The following DCC variants were observed in gnomAD, a reference collection of about 807,000 sequenced individuals.
The protein encoded by DCC is DCC netrin 1 receptor.
Under a neutral mutation model 172.5 loss-of-function variants are expected in DCC, and 58 were observed. The ratio of observed to expected loss-of-function variants is 0.34; its 90% CI spans 0.27 to 0.42. DCC has a LOEUF of 0.42. DCC is among the 10% of genes least tolerant of loss of function. The probability of loss-of-function intolerance (pLI) is 1.00; values close to 1 mark genes in which losing one functional copy is unlikely to be tolerated. For missense variants in DCC, 1,740 were observed against 1,791.0 expected (o/e 0.97, Z 0.51); for synonymous variants, 709 against 644.5 (o/e 1.10, Z -1.52).
chr18:52,644,297 G>T (rs1310483421), intron 1 of DCC, among the ~76,000 whole-genome samples: 1 of 152,054 alleles, frequency 6.6e-6, no homozygotes, highest in East Asian at 1.9e-4. Flanking sequence ...AGTGTGTAGA[G>T]GCTGGGTGTG....
intron 9 of DCC, among the ~76,000 whole-genome samples, chr18:53,202,735 C>T (rs560998118): frequency 8.5e-5 from 13 of 152,164 alleles, no homozygotes; most frequent in African/African-American, 2.9e-4. Flanking sequence ...ATAAATGAGG[C>T]CAGAGAGAGA....
intron 2 of DCC, among the ~76,000 whole-genome samples, chr18:52,759,679 C>T (rs1454921090): frequency 6.6e-6 from 1 of 151,974 alleles, no homozygotes; most frequent in African/African-American, 2.4e-5. Context: ...TCTTGAAAAA[C>T]GTCAAGATAA....
chr18:53,109,795 T>C (rs372047848), intron 7 of DCC, among the ~76,000 whole-genome samples: 1 of 151,692 alleles, frequency 6.6e-6, no homozygotes, highest in East Asian at 1.9e-4. Context: ...TTGTCCTTTT[T>C]TTTCCTTCCA....
intron 14 of DCC, among the ~76,000 whole-genome samples, chr18:53,324,140 A>G (rs1204375820): frequency 6.6e-6 from 1 of 152,186 alleles, no homozygotes; most frequent in African/African-American, 2.4e-5. Flanking sequence ...AACCCAGGCA[A>G]TGACTTTAAG....
intron 9 of DCC, among the ~76,000 whole-genome samples, chr18:53,194,080 A>AC (rs2055405739): frequency 6.6e-6 from 1 of 152,152 alleles, no homozygotes; most frequent in Non-Finnish European, 1.5e-5. Flanking sequence ...TCACATTATC[A>AC]CCATGGGAAA....
chr18:53,358,522 C>G (rs2057904822), intron 15 of DCC, among the ~76,000 whole-genome samples: 1 of 129,618 alleles, frequency 7.7e-6, no homozygotes, highest in South Asian at 2.4e-4. Flanking sequence ...AAGACATATT[C>G]TCTCTCTCTT....
At chr18:52,686,387 T>G (rs2035835492) in intron 1 of DCC, among the ~76,000 whole-genome samples, 1 of 152,148 alleles carries the variant, frequency 6.6e-6, no homozygotes, top group South Asian at 2.1e-4. Context: ...ATATCAAGTC[T>G]GAGCTTCGAA....
At chr18:53,183,140 T>C (rs1056951331) in intron 9 of DCC, among the ~76,000 whole-genome samples, 6 of 152,134 alleles carry the variant, frequency 3.9e-5, no homozygotes, top group Non-Finnish European at 7.4e-5. Context: ...TCAACTCTAT[T>C]ATACAAACCA....
chr18:52,713,576 TC>T (rs2036331250), intron 1 of DCC, among the ~76,000 whole-genome samples: 1 of 152,118 alleles, frequency 6.6e-6, no homozygotes, highest in Non-Finnish European at 1.5e-5. Context: ...TGCACTTGGA[TC>T]CTTTAGTTTC....
At chr18:53,340,049 C>T (rs917629277) in intron 15 of DCC, 142 bp downstream of exon 15, 6 of 258,068 alleles carry the variant, frequency 2.3e-5, no homozygotes, top group Admixed American at 9.8e-5. Flanking sequence ...TGTCTATCTA[C>T]ACACACACAC....
At chr18:52,812,659 C>A (rs714722) in intron 2 of DCC, among the ~76,000 whole-genome samples, 5,515 of 152,284 alleles carry the variant, frequency 0.036, 144 homozygotes, top group Admixed American at 0.052. Flanking sequence ...TAAGGGCATG[C>A]ATTTTCAGAA....
rs539204922 is a variant in DCC, at chr18:52,704,370, G to A, written c.92-47684G>A. Among the ~76,000 whole-genome samples, 9 of 152,098 alleles carry A rather than the reference G, an allele frequency of 5.9e-5. No individual in the cohort carries two copies. The East Asian group carries it at 1.7e-3, about 29-fold the overall frequency. ...GGTAATTCATTTATTTACAAATTGG[G>A]GTCCTGACTTAACAAATAAATATTT... On this transcript the variant is annotated intron_variant, in intron 1 of 28. Coordinates refer to ENST00000442544, the MANE Select transcript of DCC (RefSeq NM_005215.4).
chr18:52,917,669 C>T lies in DCC; in HGVS notation c.698-6038C>T, dbSNP rs560481167. 5.7e-4 allele frequency among the ~76,000 whole-genome samples: 86 copies of T among 152,132 alleles called. 1 individual carries two copies. The highest frequency in any genetic ancestry group is 1.3e-4 in the Non-Finnish European group (9 of 68,022). On this transcript the variant is annotated intron_variant, in intron 3 of 28. Coordinates refer to ENST00000442544, the MANE Select transcript of DCC (RefSeq NM_005215.4). ...CATAGGGTGGTTCCACATTTTAAGG[C>T]ACCCTGTGTAGCCTGAGATCAGTAT...
chr18:52,541,899 GTA>G (rs1390082523), intron 1 of DCC, among the ~76,000 whole-genome samples: 1 of 136,038 alleles, frequency 7.4e-6, no homozygotes, highest in Non-Finnish European at 1.5e-5. Flanking sequence ...ATATATATGT[GTA>G]TATATATATG....
intron 1 of DCC, among the ~76,000 whole-genome samples, chr18:52,431,154 C>G (rs1010852512): frequency 1.3e-5 from 2 of 152,114 alleles, no homozygotes; most frequent in Admixed American, 6.6e-5. Flanking sequence ...TCCTTGGACA[C>G]TCACCCAAAT....
rs187074128 is a variant in DCC at position 53,037,859 on chromosome 18, G to T, written c.986-25446G>T. 2.1e-3 allele frequency among the ~76,000 whole-genome samples: 321 copies of T among 151,838 alleles called. 3 individuals carry two copies. Among genetic ancestry groups the T allele is most frequent in the Non-Finnish European group, 2.2e-3 (147 of 67,922 alleles). On this transcript the variant is annotated intron_variant, in intron 5 of 28. Coordinates refer to ENST00000442544, the MANE Select transcript of DCC (RefSeq NM_005215.4). The stretch of plus-strand genomic sequence containing the variant: ...TTGAAAGGATTTTTTTTTAAATATT[G>T]AATGAGATAAAATACTGTGAAAATG...
intron 7 of DCC, among the ~76,000 whole-genome samples, chr18:53,097,080 A>G (rs1012051192): frequency 3.3e-5 from 5 of 152,200 alleles, no homozygotes; most frequent in Non-Finnish European, 7.3e-5. Context: ...TGAAGGGACT[A>G]AAACCTAGTG....
chr18:52,795,542 T>C (rs1313363998), intron 2 of DCC, among the ~76,000 whole-genome samples: 1 of 151,998 alleles, frequency 6.6e-6, no homozygotes, highest in Non-Finnish European at 1.5e-5. Context: ...TTTTACCTTC[T>C]CAGAAAAACA....
At chr18:53,114,643 C>A (rs2043384626) in intron 7 of DCC, among the ~76,000 whole-genome samples, 1 of 151,468 alleles carries the variant, frequency 6.6e-6, no homozygotes, top group Non-Finnish European at 1.5e-5. Flanking sequence ...AAAATATATT[C>A]TCTTTGCAAA....
Sources: gnomAD v4.1 joint callset for allele counts (sites outside exome capture counted in the v4.1 genomes callset) on GRCh38, gnomAD v4.1.1 for gene constraint, MANE v1.5 for transcripts, NCBI Gene and HGNC (gene_info 2026-07-23, HGNC 2026-07-21) for gene names.